Variants in CACNA1B observed in about 807,000 individuals in gnomAD.
CACNA1B encodes the protein calcium voltage-gated channel subunit alpha1 B, also known as voltage-dependent N-type calcium channel subunit alpha-1B.
A neutral mutation model predicts 247.2 loss-of-function variants in CACNA1B; 70 were observed. That is an observed-to-expected ratio of 0.28 (90% CI 0.23 to 0.35). CACNA1B has a LOEUF of 0.35. CACNA1B is among the 10% of genes least tolerant of loss of function. The pLI is 1.00. For missense variants in CACNA1B, 2,367 were observed against 3,197.4 expected, an observed-to-expected ratio of 0.74 and a Z score of 6.26; for synonymous variants, 1,231 against 1,294.4, an observed-to-expected ratio of 0.95 and a Z score of 1.05.
intron 6 of CACNA1B, among the ~76,000 whole-genome samples, chr9:137,951,296 G>A (rs1399071788): frequency 6.6e-6 from 1 of 152,256 alleles, no homozygotes; most frequent in Non-Finnish European, 1.5e-5. Context: ...CAGGAACCAC[G>A]AGCTTCAGTC....
intron 6 of CACNA1B, among the ~76,000 whole-genome samples, chr9:137,943,250 G>T (rs1957754270): frequency 6.6e-6 from 1 of 152,082 alleles, no homozygotes; most frequent in African/African-American, 2.4e-5. Flanking sequence ...GAGAGCTGTG[G>T]ACAGCAAGTT....
chr9:138,030,061 C>G (rs1472639864), intron 20 of CACNA1B, among the ~76,000 whole-genome samples: 1 of 152,140 alleles, frequency 6.6e-6, no homozygotes, highest in Non-Finnish European at 1.5e-5. Flanking sequence ...ACATACATGC[C>G]TTTTATTTCC....
chr9:138,025,162 G>C lies in CACNA1B; in HGVS notation c.3276G>C (p.Thr1092=). 1 of 1,607,638 alleles carries C rather than the reference G, an allele frequency of 6.2e-7. No homozygotes were observed. Among genetic ancestry groups the C allele is most frequent in the Non-Finnish European group, 8.5e-7 (1 of 1,176,392 alleles). ...TGACGGGCCCTCTTGGGGAAGCCAC[G>C]GTCGTTCCCAGTGAGTATCTCCCTG... ...VMLTGPLGEA[T]VVPSGNVDLE... The change falls in exon 20 of 47, where the codon ACG becomes ACC. Residue 1092 remains threonine (T), a synonymous_variant. Coordinates refer to ENST00000371372, the MANE Select transcript of CACNA1B (RefSeq NM_000718.4).
intron 6 of CACNA1B, among the ~76,000 whole-genome samples, chr9:137,936,466 G>T (rs557433282): frequency 6.6e-6 from 1 of 152,286 alleles, no homozygotes; most frequent in Non-Finnish European, 1.5e-5. Flanking sequence ...TTATTTTGCT[G>T]TGCAGAAGCT....
At chr9:137,924,130 A>G (rs1957522917) in intron 6 of CACNA1B, among the ~76,000 whole-genome samples, 1 of 151,776 alleles carries the variant, frequency 6.6e-6, no homozygotes, top group Non-Finnish European at 1.5e-5. Flanking sequence ...CAGTTTATCA[A>G]TTTATCCTTT....
At chr9:138,034,887 T>C (rs1959025179) in intron 20 of CACNA1B, among the ~76,000 whole-genome samples, 1 of 152,204 alleles carries the variant, frequency 6.6e-6, no homozygotes, top group African/African-American at 2.4e-5. Context: ...TCTCGCACTT[T>C]GGGGCCATTA....
rs1350294349 is a variant in CACNA1B at position 137,905,321 on chromosome 9, C to G, written c.531-7859C>G. 4.0e-5 allele frequency among the ~76,000 whole-genome samples: 6 copies of G among 151,028 alleles called. No homozygotes were observed. In the East Asian group the frequency reaches 1.2e-3, roughly 29 times the overall value. Reference sequence around the variant, plus strand: ...TGAGCCGAGATTGTGCCACTGCACTCCAGCCTGGGTGACAGAGTGAGACTC... The same window carrying G: ...TGAGCCGAGATTGTGCCACTGCACTGCAGCCTGGGTGACAGAGTGAGACTC... On this transcript the variant is annotated intron_variant, in intron 3 of 46. Transcript: ENST00000371372.
In CACNA1B at chr9:138,028,081, T is replaced by C. The variant is rs143977109; in HGVS notation, c.3286+2909T>C. ...CTGAGCCTTGCTCTGTCACCCTGGCTGGAGTGCAGTGGCACGGTCTCGGCT... is the reference window on the plus strand; with the variant it reads ...CTGAGCCTTGCTCTGTCACCCTGGCCGGAGTGCAGTGGCACGGTCTCGGCT... On this transcript the variant is annotated intron_variant, in intron 20 of 46. Transcript: ENST00000371372. 3.3e-4 allele frequency among the ~76,000 whole-genome samples: 47 copies of C among 141,738 alleles called. No homozygotes were observed. The East Asian group carries it at 9.8e-3, about 30-fold the overall frequency. 93.0% of individuals were successfully genotyped at this position (141,738 alleles called of 152,430 possible). A position where few individuals can be genotyped will look rare whatever the true frequency, so the allele number is the denominator to read the frequency against.
chr9:138,105,415 G>T (rs1961386923), intron 38 of CACNA1B, among the ~76,000 whole-genome samples: 2 of 152,222 alleles, frequency 1.3e-5, no homozygotes, highest in African/African-American at 4.8e-5. Flanking sequence ...TCAGGGTGAG[G>T]AGGTGGCTGT....
intron 36 of CACNA1B, among the ~76,000 whole-genome samples, chr9:138,091,795 T>A (rs1005477108): frequency 2.0e-5 from 3 of 152,208 alleles, no homozygotes; most frequent in African/African-American, 7.2e-5. Context: ...AGTAAATAGC[T>A]CCTATGGGGG....
chr9:137,942,843 G>A (rs1957748503), intron 6 of CACNA1B, among the ~76,000 whole-genome samples: 1 of 152,210 alleles, frequency 6.6e-6, no homozygotes, highest in Non-Finnish European at 1.5e-5. Flanking sequence ...AGAGATAAAA[G>A]ACTACAAATT....
chr9:138,096,672 T>C, intron 37 of CACNA1B, 61 bp downstream of exon 37: 1 of 1,532,466 alleles, frequency 6.5e-7, no homozygotes, highest in Non-Finnish European at 8.9e-7. Context: ...GATCTTGGGA[T>C]GGGCCTGGTG....
intron 10 of CACNA1B, among the ~76,000 whole-genome samples, chr9:137,964,881 G>A (rs1958057188): frequency 6.6e-6 from 1 of 152,180 alleles, no homozygotes; most frequent in Non-Finnish European, 1.5e-5. Flanking sequence ...TGGGGTTTTT[G>A]TGTTTTGTTG....
At chr9:138,098,480 G>C (rs771441517) in intron 37 of CACNA1B, among the ~76,000 whole-genome samples, 1 of 151,950 alleles carries the variant, frequency 6.6e-6, no homozygotes, top group African/African-American at 2.4e-5. Context: ...ATACTTTATA[G>C]CATGTAGTTA....
rs769678384 is a variant in CACNA1B at position 138,013,129 on chromosome 9, G to A, written c.2161G>A (p.Asp721Asn). 1.9e-6 allele frequency: 3 copies of A among 1,611,820 alleles called. No individual in the cohort carries two copies. In the African/African-American group the frequency reaches 4.0e-5, roughly 22 times the overall value. ...NLANAQELTK[D>N]EEEMEEAANQ... Reference sequence around the variant, plus strand: ...TGGACATTTCTCTTTGCTCAAACAGGATGAAGAGGAGATGGAAGAAGCAGC... The same window carrying A: ...TGGACATTTCTCTTTGCTCAAACAGAATGAAGAGGAGATGGAAGAAGCAGC... The change falls in exon 18 of 47, where the codon GAT becomes AAT. Residue 721 changes from aspartate to asparagine, a missense_variant and splice_region_variant. Coordinates refer to ENST00000371372, the MANE Select transcript of CACNA1B (RefSeq NM_000718.4).
At chr9:138,045,581 A>G (rs951564582) in intron 21 of CACNA1B, among the ~76,000 whole-genome samples, 3 of 152,192 alleles carry the variant, frequency 2.0e-5, no homozygotes, top group Non-Finnish European at 4.4e-5. Context: ...CACTGAGACC[A>G]GCAGTGCTGC....
chr9:138,089,159 A>G (rs1026585081), intron 36 of CACNA1B, among the ~76,000 whole-genome samples: 2 of 152,032 alleles, frequency 1.3e-5, no homozygotes, highest in African/African-American at 4.8e-5. Context: ...AAAACCAGAG[A>G]AGGACACAGC....
intron 6 of CACNA1B, among the ~76,000 whole-genome samples, chr9:137,918,979 C>T (rs1420309998): frequency 6.6e-6 from 1 of 152,212 alleles, no homozygotes; most frequent in Non-Finnish European, 1.5e-5. Context: ...CAAAGACAGA[C>T]CCTAAAAATA....
At chr9:137,887,945 C>T (rs1207635771) in intron 3 of CACNA1B, among the ~76,000 whole-genome samples, 3 of 148,946 alleles carry the variant, frequency 2.0e-5, no homozygotes, top group South Asian at 2.2e-4. Flanking sequence ...GTAGTGTGTC[C>T]TTCCACTGGG....
Sources: allele counts gnomAD v4.1 joint callset (sites outside exome capture counted in the v4.1 genomes callset), GRCh38; gene constraint gnomAD v4.1.1; transcripts MANE v1.5; gene names NCBI Gene and HGNC (gene_info 2026-07-23, HGNC 2026-07-21).